ACSS3: variants seen among roughly 807,000 people sequenced by gnomAD.
The protein encoded by ACSS3 is acyl-CoA synthetase short chain family member 3, also known as acyl-CoA synthetase short-chain family member 3, mitochondrial.
A neutral mutation model predicts 84.2 loss-of-function variants in ACSS3; 64 were observed. That is an observed-to-expected ratio of 0.76 (90% CI 0.62 to 0.94). ACSS3 has a LOEUF of 0.94. Ranked by LOEUF, ACSS3 falls within the 40% of genes least tolerant of loss-of-function variation. ACSS3 has a pLI of 0.00. For missense variants in ACSS3, 815 were observed against 867.6 expected, an observed-to-expected ratio of 0.94 and a Z score of 0.76; for synonymous variants, 317 against 310.1, an observed-to-expected ratio of 1.02 and a Z score of -0.23.
chr12:81,183,234 C>T (rs1478170335), intron 8 of ACSS3, among the ~76,000 whole-genome samples: 3 of 152,144 alleles, frequency 2.0e-5, no homozygotes, highest in South Asian at 4.1e-4. Context: ...TTTCTACAAG[C>T]GGCAAACAGC....
intron 8 of ACSS3, among the ~76,000 whole-genome samples, chr12:81,178,063 C>G (rs1275802038): frequency 2.0e-5 from 3 of 152,014 alleles, no homozygotes; most frequent in Non-Finnish European, 2.9e-5. Context: ...TGGAACCAAC[C>G]CAAATGTCCA....
intron 1 of ACSS3, among the ~76,000 whole-genome samples, chr12:81,094,180 C>CTGTGTGTGTGTGTG (rs371392868): frequency 1.5e-5 from 2 of 132,840 alleles, no homozygotes; most frequent in African/African-American, 5.0e-5. Context: ...CTCTGTCTCT[C>CTGTGTGTGTGTGTG]TCTCTGTGTG....
chr12:81,239,631 T>C (rs1479487405), intron 13 of ACSS3, among the ~76,000 whole-genome samples: 1 of 151,630 alleles, frequency 6.6e-6, no homozygotes, highest in Non-Finnish European at 1.5e-5. Context: ...AACCATCAGA[T>C]CTTGTGATAC....
chr12:81,084,295 A>C (rs1245483195), intron 1 of ACSS3, among the ~76,000 whole-genome samples: 5 of 152,160 alleles, frequency 3.3e-5, no homozygotes, highest in Admixed American at 1.3e-4. Context: ...GAAATGAGGG[A>C]TATTGGGAAA....
At position 81,217,000 on chromosome 12, in the gene ACSS3, A is replaced by G; in HGVS notation, c.1450+4A>G. ...AAAAGCGTCCCAGGATACAATGGTA[A>G]GGAATGACCCTGATAATACGTAAAG... On this transcript the variant is annotated splice_donor_region_variant and intron_variant, in intron 10 of 15. Coordinates refer to ENST00000548058, the MANE Select transcript of ACSS3 (RefSeq NM_024560.4). 1 of 1,602,994 alleles carries G rather than the reference A, an allele frequency of 6.2e-7. No homozygotes were observed. The highest frequency in any genetic ancestry group is 1.3e-5 in the African/African-American group (1 of 74,722).
At chr12:81,141,090 C>T (rs1452667829) in intron 4 of ACSS3, among the ~76,000 whole-genome samples, 1 of 152,136 alleles carries the variant, frequency 6.6e-6, no homozygotes, top group Non-Finnish European at 1.5e-5. Flanking sequence ...AAGATATATG[C>T]TATTTCTTTC....
chr12:81,107,505 TATATACATATA>T (rs1299581898), intron 1 of ACSS3, among the ~76,000 whole-genome samples: 1 of 32,714 alleles, frequency 3.1e-5, no homozygotes, highest in Non-Finnish European at 7.0e-5. Context: ...CAGGTACAAA[TATATACATATA>T]TATATATATA....
chr12:81,089,795 G>T (rs1881556165), intron 1 of ACSS3, among the ~76,000 whole-genome samples: 1 of 151,870 alleles, frequency 6.6e-6, no homozygotes, highest in Admixed American at 6.6e-5. Flanking sequence ...TTTGTGTTGG[G>T]CCCTATGCTA....
At chr12:81,167,075 G>A (rs1212518938) in intron 7 of ACSS3, among the ~76,000 whole-genome samples, 2 of 152,192 alleles carry the variant, frequency 1.3e-5, no homozygotes, top group African/African-American at 2.4e-5. Context: ...AATGCTCTCT[G>A]TGACTACTGA....
intron 8 of ACSS3, among the ~76,000 whole-genome samples, chr12:81,186,497 C>A (rs999887333): frequency 1.3e-5 from 2 of 151,680 alleles, no homozygotes; most frequent in African/African-American, 4.8e-5. Context: ...ATAAAGAACT[C>A]ATACAGTTCA....
rs201300759 is a variant in ACSS3 at position 81,151,866 on chromosome 12, G to A, written c.944G>A (p.Gly315Glu). 13 of 1,613,598 alleles carry A rather than the reference G, an allele frequency of 8.1e-6. No individual in the cohort carries two copies. Among genetic ancestry groups the A allele is most frequent in the Non-Finnish European group, 1.1e-5 (13 of 1,179,788 alleles). Residue 315 changes from glycine to glutamate, a missense_variant, in exon 6 of 16, where the codon GGA becomes GAA. Physicochemically the swap from Gly to Glu is moderately conservative, Grantham distance 98. Coordinates refer to ENST00000548058, the MANE Select transcript of ACSS3 (RefSeq NM_024560.4). The stretch of plus-strand genomic sequence containing the variant: ...TAGGGTGTGATTAGGCCCACTGGGG[G>A]ATACGCTGTCATGCTACACTGGTCA... ...LPKGVIRPTGGYAVMLHWSMS... is the reference protein window; with the variant it reads ...LPKGVIRPTGEYAVMLHWSMS...
intron 2 of ACSS3, among the ~76,000 whole-genome samples, chr12:81,117,368 C>A (rs1159734906): frequency 6.6e-6 from 1 of 152,006 alleles, no homozygotes; most frequent in Non-Finnish European, 1.5e-5. Flanking sequence ...AAGTGAAGAA[C>A]AATAAAAGGC....
chr12:81,107,511 C>CACACACACACATATAT (rs1403415163), intron 1 of ACSS3, among the ~76,000 whole-genome samples: 1 of 38,828 alleles, frequency 2.6e-5, no homozygotes, highest in African/African-American at 8.5e-5. Context: ...CAAATATATA[C>CACACACACACATATAT]ATATATATAT....
intron 5 of ACSS3, among the ~76,000 whole-genome samples, chr12:81,146,778 G>GTATCATCT (rs1490457167): frequency 1.3e-5 from 2 of 152,072 alleles, no homozygotes; most frequent in Non-Finnish European, 2.9e-5. Flanking sequence ...TCCCTCATCT[G>GTATCATCT]GATCAGATGT....
chr12:81,223,076 C>A (rs538021092), intron 11 of ACSS3, among the ~76,000 whole-genome samples: 12 of 152,132 alleles, frequency 7.9e-5, no homozygotes, highest in African/African-American at 2.6e-4. Flanking sequence ...TTCCAGGCAA[C>A]AGAGAACAGG....
chr12:81,079,369 A>G (rs1442542503), intron 1 of ACSS3, among the ~76,000 whole-genome samples: 1 of 152,144 alleles, frequency 6.6e-6, no homozygotes, highest in Non-Finnish European at 1.5e-5. Context: ...TCTGCCAGCC[A>G]TTAGAGAGGA....
At chr12:81,098,566 A>G (rs527308747) in intron 1 of ACSS3, among the ~76,000 whole-genome samples, 38 of 152,172 alleles carry the variant, frequency 2.5e-4, no homozygotes, top group Non-Finnish European at 4.7e-4. Context: ...TACCTCACAG[A>G]GTCCTCATGA....
chr12:81,199,600 TTG>T, intron 9 of ACSS3, 156 bp downstream of exon 9: 1 of 1,487,816 alleles, frequency 6.7e-7, no homozygotes, highest in Non-Finnish European at 9.0e-7. Context: ...TTTTTTATTG[TTG>T]TGTTATTAAT....
chr12:81,198,812 T>G (rs1281478345), intron 8 of ACSS3, among the ~76,000 whole-genome samples: 1 of 152,116 alleles, frequency 6.6e-6, no homozygotes, highest in Non-Finnish European at 1.5e-5. Context: ...ACCAGCTATT[T>G]CTCCTACATA....
Sources: allele counts gnomAD v4.1 joint callset (sites outside exome capture counted in the v4.1 genomes callset), GRCh38; gene constraint gnomAD v4.1.1; transcripts MANE v1.5; gene names NCBI Gene and HGNC (gene_info 2026-07-23, HGNC 2026-07-21).